CPEB1: variants seen among roughly 807,000 people sequenced by gnomAD.
CPEB1 encodes cytoplasmic polyadenylation element binding protein 1.
Under a neutral mutation model 65.8 loss-of-function variants are expected in CPEB1, and 7 were observed. The ratio of observed to expected loss-of-function variants is 0.11; its 90% CI spans 0.06 to 0.20. The LOEUF (loss-of-function observed/expected upper bound fraction) is 0.20. CPEB1 is among the 10% of genes least tolerant of loss of function. The pLI is 1.00. For synonymous variants in CPEB1, 262 were observed against 260.0 expected, an observed-to-expected ratio of 1.01 and a Z score of -0.08; for missense variants, 551 against 712.2, an observed-to-expected ratio of 0.77 and a Z score of 2.58.
chr15:82,548,043 A>G (rs803688), intron 10 of CPEB1, among the ~76,000 whole-genome samples: 61,051 of 151,984 alleles, frequency 0.4, 12,336 homozygotes, highest in South Asian at 0.47. Flanking sequence ...AATTTTAATA[A>G]TATATTTTAT....
rs1320428826 is a variant in CPEB1 at position 82,558,014 on chromosome 15, G to A, written c.461-28C>T. 4 of 1,482,854 alleles carry A rather than the reference G, an allele frequency of 2.7e-6. No individual in the cohort carries two copies. In the East Asian group the frequency reaches 9.2e-5, roughly 34 times the overall value. The allele number at this position is 1,482,854 out of a possible 1,614,324, so 91.9% of individuals were successfully genotyped here. On this transcript the variant is annotated intron_variant, in intron 4 of 12. Transcript: ENST00000684509. Reference sequence around the variant, plus strand: ...AGGAGGACAAAAAAGGAAACCTCATGACCTCTTAGTTTTCTTTGCAGCCAA... The same window carrying A: ...AGGAGGACAAAAAAGGAAACCTCATAACCTCTTAGTTTTCTTTGCAGCCAA...
chr15:82,604,165 A>G (rs1311749311), intron 3 of CPEB1, among the ~76,000 whole-genome samples: 1 of 152,168 alleles, frequency 6.6e-6, no homozygotes, highest in Non-Finnish European at 1.5e-5. Context: ...CCTGGGCAAC[A>G]TAGCAAGGCT....
chr15:82,631,513 A>T (rs183781216), intron 1 of CPEB1, among the ~76,000 whole-genome samples: 24 of 152,312 alleles, frequency 1.6e-4, no homozygotes, highest in Admixed American at 1.2e-3. Context: ...ATACTATCTC[A>T]TAAGGCTTTT....
intron 1 of CPEB1, among the ~76,000 whole-genome samples, chr15:82,631,714 G>T (rs1029353894): frequency 6.6e-6 from 1 of 152,002 alleles, no homozygotes; most frequent in African/African-American, 2.4e-5. Flanking sequence ...AAGACTCCAG[G>T]CCCTTCTATT....
intron 3 of CPEB1, among the ~76,000 whole-genome samples, chr15:82,616,984 GTTTA>G (rs1350622301): frequency 3.9e-5 from 6 of 152,058 alleles, no homozygotes; most frequent in Admixed American, 2.0e-4. Flanking sequence ...TTCCCCAAAA[GTTTA>G]TTTATTTCAT....
intron 1 of CPEB1, among the ~76,000 whole-genome samples, chr15:82,635,902 G>C (rs1169888909): frequency 6.6e-6 from 1 of 152,168 alleles, no homozygotes; most frequent in Non-Finnish European, 1.5e-5. Context: ...ACAGAACACA[G>C]TAAATTCAAG....
intron 9 of CPEB1, among the ~76,000 whole-genome samples, chr15:82,550,604 C>A (rs146479702): frequency 1.8e-3 from 267 of 152,260 alleles, no homozygotes; most frequent in African/African-American, 6.3e-3. Context: ...GCCAATTTCA[C>A]TGGAAGATGA....
At chr15:82,609,918 G>A (rs1459586420) in intron 3 of CPEB1, among the ~76,000 whole-genome samples, 2 of 151,958 alleles carry the variant, frequency 1.3e-5, no homozygotes, top group Non-Finnish European at 2.9e-5. Flanking sequence ...AAATTAGCCA[G>A]GCATGGTGGC....
intron 3 of CPEB1, among the ~76,000 whole-genome samples, chr15:82,626,632 C>A (rs2045800142): frequency 6.6e-6 from 1 of 152,100 alleles, no homozygotes; most frequent in African/African-American, 2.4e-5. Context: ...CCAATAGATA[C>A]AGAAACTAAA....
At chr15:82,646,689 C>G (rs2047569984) in intron 1 of CPEB1, among the ~76,000 whole-genome samples, 1 of 152,246 alleles carries the variant, frequency 6.6e-6, no homozygotes, top group Non-Finnish European at 1.5e-5. Flanking sequence ...CGGGGCCGCT[C>G]ACAGAGCCTT....
rs188553935 is a variant in CPEB1 at position 82,646,450 on chromosome 15, G to C, written c.-98+687C>G. 2.3e-3 allele frequency among the ~76,000 whole-genome samples: 351 copies of C among 152,306 alleles called. 3 individuals are homozygous for C. Among genetic ancestry groups the C allele is most frequent in the African/African-American group, 8.2e-3 (341 of 41,576 alleles). On this transcript the variant is annotated intron_variant, in intron 1 of 12. Transcript: ENST00000684509. ...GCGTCAGTCAGGGCCGGGGCTGCAG[G>C]CGCGGGGCGGGGGAGGAGAGACGCG...
At chr15:82,563,357 CTT>C (rs71453394) in intron 4 of CPEB1, among the ~76,000 whole-genome samples, 88 of 92,060 alleles carry the variant, frequency 9.6e-4, no homozygotes, top group African/African-American at 3.0e-3. Context: ...CATCTCTATT[CTT>C]TTTTTTTTTT....
At chr15:82,599,719 G>C (rs1411667010) in intron 3 of CPEB1, among the ~76,000 whole-genome samples, 3 of 152,096 alleles carry the variant, frequency 2.0e-5, no homozygotes, top group Non-Finnish European at 4.4e-5. Flanking sequence ...GAAATGAATA[G>C]GATAGTCTAT....
At chr15:82,622,879 C>T (rs1195527817) in intron 3 of CPEB1, among the ~76,000 whole-genome samples, 1 of 152,286 alleles carries the variant, frequency 6.6e-6, no homozygotes, top group African/African-American at 2.4e-5. Context: ...CCTCCACGGA[C>T]GGGGACGGAA....
At chr15:82,631,093 G>A (rs1005443986) in intron 1 of CPEB1, among the ~76,000 whole-genome samples, 1 of 152,126 alleles carries the variant, frequency 6.6e-6, no homozygotes, top group Non-Finnish European at 1.5e-5. Flanking sequence ...CAGTAGTCTA[G>A]GGAACAGATG....
rs2034672155 is a variant in CPEB1, at chr15:82,543,594, C to CT, written c.*997dup. 6.6e-6 allele frequency: 1 copy of CT among 152,296 alleles called. No individual in the cohort carries two copies. Among genetic ancestry groups the CT allele is most frequent in the Non-Finnish European group, 1.5e-5 (1 of 68,030 alleles). 9.4% of individuals were successfully genotyped at this position (152,296 alleles called of 1,614,324 possible). A position where few individuals can be genotyped will look rare whatever the true frequency, so the allele number is the denominator to read the frequency against. ...GATATAAGGGAAGGGTACTTGCCCC[C>CT]TCTAAGAGAAAGGGCTCCTGTGAGC... On this transcript the variant is annotated 3_prime_UTR_variant, in exon 13 of 13. Coordinates refer to ENST00000684509, the MANE Select transcript of CPEB1 (RefSeq NM_001365242.1).
At chr15:82,626,452 A>G (rs2045784872) in intron 3 of CPEB1, among the ~76,000 whole-genome samples, 1 of 152,158 alleles carries the variant, frequency 6.6e-6, no homozygotes, top group Admixed American at 6.5e-5. Flanking sequence ...AAAGAAAGAA[A>G]GAAAAAGAAA....
At chr15:82,630,686 C>A (rs1181886548) in intron 1 of CPEB1, among the ~76,000 whole-genome samples, 1 of 152,020 alleles carries the variant, frequency 6.6e-6, no homozygotes, top group African/African-American at 2.4e-5. Context: ...TGTAAATGTA[C>A]ATTGTCCTCC....
At chr15:82,615,031 C>CTT (rs985955705) in intron 3 of CPEB1, among the ~76,000 whole-genome samples, 22 of 152,300 alleles carry the variant, frequency 1.4e-4, no homozygotes, top group Admixed American at 9.2e-4. Flanking sequence ...CACAAAACCC[C>CTT]TACAAATGGG....
Sources: gnomAD v4.1 joint callset for allele counts (sites outside exome capture counted in the v4.1 genomes callset) on GRCh38, gnomAD v4.1.1 for gene constraint, MANE v1.5 for transcripts, NCBI Gene and HGNC (gene_info 2026-07-23, HGNC 2026-07-21) for gene names.